The following TCEA2 variants were observed in gnomAD, a reference collection of about 807,000 sequenced individuals.
The protein encoded by TCEA2 is transcription elongation factor A protein 2.
Under a neutral mutation model 40.8 loss-of-function variants are expected in TCEA2, and 21 were observed. The ratio of observed to expected loss-of-function variants is 0.51; its 90% confidence interval spans 0.36 to 0.74. The LOEUF (loss-of-function observed/expected upper bound fraction) is 0.74, where lower values mean the gene tolerates loss of function less well. Among genes scored for constraint, TCEA2 ranks in the 30% least tolerant of loss-of-function variants. The pLI is 0.00. For missense variants in TCEA2, 326 were observed against 426.5 expected (o/e 0.76, Z 2.08); for synonymous variants, 165 against 162.7 (o/e 1.01, Z -0.11).
chr20:64,059,281 C>T (rs1468551137), upstream of TCEA2, among the ~76,000 whole-genome samples: 1 of 152,114 alleles, frequency 6.6e-6, no homozygotes, highest in African/African-American at 2.4e-5. Flanking sequence ...GTCTCTGACC[C>T]CCTGGATTGT....
chr20:64,063,561 G>A, intron 1 of TCEA2, 177 bp downstream of exon 1: 1 of 722,330 alleles, frequency 1.4e-6, no homozygotes, highest in Non-Finnish European at 2.2e-6. Flanking sequence ...CCCTGCCCCG[G>A]GCCAGCCCTG....
intron 5 of TCEA2, 81 bp from the exon 6 acceptor site, chr20:64,069,684 G>C (rs1319711324): frequency 1.5e-5 from 24 of 1,558,752 alleles, no homozygotes; most frequent in Non-Finnish European, 2.0e-5. Flanking sequence ...TGCCCTCTAA[G>C]CTGCCAGGGT....
rs373957561 is a variant in TCEA2, at chr20:64,069,486, C to A, written c.455C>A (p.Thr152Lys). The change falls in exon 5 of 10, where the codon ACG (threonine) becomes AAG (lysine). Residue 152 changes from threonine to lysine, a missense_variant. Transcript: ENST00000343484. ...GAGATGCTGACCGCTGCCCTGCAGA[C>A]GGACCGTGAGTGCGGCCGGCCCTGG... ...CREMLTAALQ[T>K]DHDHVAIGAD... 1 of 1,612,626 alleles carries A rather than the reference C, an allele frequency of 6.2e-7. No homozygotes were observed. The highest frequency in any genetic ancestry group is 8.5e-7 in the Non-Finnish European group (1 of 1,179,758).
chr20:64,063,228 TG>T lies in TCEA2; in HGVS notation c.-82del. The T allele has an allele frequency of 8.1e-7, 1 of 1,237,366 alleles. No individual in the cohort carries two copies. Among genetic ancestry groups the T allele is most frequent in the Non-Finnish European group, 1.0e-6 (1 of 954,888 alleles). The allele number at this position is 1,237,366 out of a possible 1,614,324, so 76.6% of individuals were successfully genotyped here. A position where few individuals can be genotyped will look rare whatever the true frequency, so the allele number is the denominator to read the frequency against. ...GGGGCTGCGTCGGCTGCGGCGGGTG[TG>T]GGAGGTGGCGACGGCCGGGGCCGGG... On this transcript the variant is annotated 5_prime_UTR_variant, in exon 1 of 10. Coordinates refer to ENST00000343484, the MANE Select transcript of TCEA2 (RefSeq NM_003195.6).
intron 1 of TCEA2, chr20:64,063,592 G>A (rs2059618987): frequency 1.6e-6 from 1 of 610,110 alleles, no homozygotes; most frequent in Non-Finnish European, 2.8e-6. Context: ...CCGCAACCCC[G>A]GCAGAGGCCG....
upstream of TCEA2, among the ~76,000 whole-genome samples, chr20:64,061,161 C>T (rs1286509085): frequency 5.2e-4 from 66 of 126,940 alleles, 1 homozygote; most frequent in Admixed American, 6.2e-3. Context: ...AGTGCAGTGG[C>T]ACAATCTGGG....
upstream of TCEA2, among the ~76,000 whole-genome samples, chr20:64,060,347 C>T (rs934091078): frequency 6.6e-6 from 1 of 152,218 alleles, no homozygotes; most frequent in Non-Finnish European, 1.5e-5. Flanking sequence ...CAGGCAGGCT[C>T]CATGGATGTG....
At chr20:64,065,152 T>C (rs1330182627) in intron 1 of TCEA2, among the ~76,000 whole-genome samples, 2 of 152,144 alleles carry the variant, frequency 1.3e-5, no homozygotes, top group South Asian at 2.1e-4. Context: ...TTTTTGCCTC[T>C]GGACCTGAGC....
At position 64,069,399 on chromosome 20, in the gene TCEA2, C is replaced by T. The variant is rs751548571; in HGVS notation, c.368C>T (p.Pro123Leu). Residue 123 changes from proline to leucine, a missense_variant, in exon 5 of 10, where the codon CCG becomes CTG. By Grantham distance (98) the Pro-to-Leu change is moderately conservative. Transcript: ENST00000343484. ...GAGCTGCCCAGGGCACCGTCGACTC[C>T]GAGGATCACCACATTTCCTCCGGTG... ...RPELPRAPST[P>L]RITTFPPVPV... 2.8e-5 allele frequency: 45 copies of T among 1,610,050 alleles called. No individual in the cohort carries two copies. The highest frequency in any genetic ancestry group is 1.6e-4 in the Middle Eastern group (1 of 6,076).
intron 1 of TCEA2, 93 bp downstream of exon 1, chr20:64,063,477 G>C: frequency 7.2e-7 from 1 of 1,396,138 alleles, no homozygotes; most frequent in African/African-American, 1.5e-5. Flanking sequence ...AAGACGACCT[G>C]AGGGGCAGGA....
Position 64,063,346 on chromosome 20 carries a change from G to T in TCEA2, c.34G>T (p.Ala12Ser), listed in dbSNP as rs1047814683. 6.5e-7 allele frequency: 1 copy of T among 1,549,668 alleles called. No individual in the cohort carries two copies. Among genetic ancestry groups the T allele is most frequent in the Non-Finnish European group, 8.7e-7 (1 of 1,147,354 alleles). ...CAAGGAAGAGGAGATTGCGCGGATC[G>T]CCCGGAGGCTGGACAAGATGGTGAC... ...MGKEEEIARI[A>S]RRLDKMVTKK... Residue 12 changes from alanine to serine, a missense_variant, in exon 1 of 10, where the codon GCC becomes TCC. Transcript: ENST00000343484.
In TCEA2 at chr20:64,069,433, C is replaced by T. The variant is rs2059773630; in HGVS notation, c.402C>T (p.Thr134=). 3 of 1,613,318 alleles carry T rather than the reference C, an allele frequency of 1.9e-6. No homozygotes were observed. Among genetic ancestry groups the T allele is most frequent in the Non-Finnish European group, 2.5e-6 (3 of 1,179,966 alleles). ...CCACATTTCCTCCGGTGCCTGTCAC[C>T]TGTGATGCCGTGCGCAACAAGTGCC... ...RITTFPPVPV[T]CDAVRNKCRE... Residue 134 remains threonine, a synonymous_variant, in exon 5 of 10, where the codon ACC becomes ACT. Transcript: ENST00000343484.
At chr20:64,062,383 T>G (rs1404404252), upstream of TCEA2, 1 of 152,284 alleles carries the variant, frequency 6.6e-6, no homozygotes, top group Non-Finnish European at 1.5e-5. Flanking sequence ...CCAACAACAA[T>G]GTCAATGAAC....
At chr20:64,060,479 A>G (rs2059540576), upstream of TCEA2, among the ~76,000 whole-genome samples, 11 of 152,080 alleles carry the variant, frequency 7.2e-5, 3 homozygotes, top group South Asian at 1.9e-3. Flanking sequence ...CAGGACCCTG[A>G]CCAGCTCCTT....
In TCEA2 at chr20:64,072,313, C is replaced by A; in HGVS notation, c.*133C>A. On this transcript the variant is annotated 3_prime_UTR_variant, in exon 10 of 10. Transcript: ENST00000343484. Reference sequence around the variant, plus strand: ...CCTGCCTGGATTGCACCTTTCTGCCCTTTCCCCCTCATTATTAAATGTTTC... The same window carrying A: ...CCTGCCTGGATTGCACCTTTCTGCCATTTCCCCCTCATTATTAAATGTTTC... 1 of 952,244 alleles carries A rather than the reference C, an allele frequency of 1.1e-6. No individual in the cohort carries two copies. Among genetic ancestry groups the A allele is most frequent in the Non-Finnish European group, 1.6e-6 (1 of 625,320 alleles). 59.0% of individuals were successfully genotyped at this position (952,244 alleles called of 1,614,324 possible).
intron 8 of TCEA2, among the ~76,000 whole-genome samples, 182 bp from the exon 9 acceptor site, chr20:64,071,688 C>T (rs1033114637): frequency 1.3e-5 from 2 of 152,180 alleles, no homozygotes; most frequent in Admixed American, 6.5e-5. Context: ...GCCTCTGCCC[C>T]GATAAACTCT....
intron 5 of TCEA2, 96 bp from the exon 6 acceptor site, chr20:64,069,669 G>A (rs2059781354): frequency 9.7e-6 from 15 of 1,544,766 alleles, no homozygotes; most frequent in Admixed American, 3.5e-5. Flanking sequence ...GCAGGGACCC[G>A]GATGTGCCCT....
chr20:64,066,678 G>A (rs925048058), intron 2 of TCEA2, 140 bp downstream of exon 2: 5 of 1,014,352 alleles, frequency 4.9e-6, no homozygotes, highest in Non-Finnish European at 7.3e-6. Context: ...TGAGGAGAGG[G>A]TCTCTGCCTT....
In TCEA2 at chr20:64,069,928, GGGTCACCTGCCTGGGT is replaced by G. The variant is rs749358092; in HGVS notation, c.517+129_517+144del. ...TGGATGCCACTGCCCAGCTGTCCAGGGGTCACCTGCCTGGGTGGTCACCTGCCTGGGTGGTCAGGCT... is the reference window on the plus strand; with the variant it reads ...TGGATGCCACTGCCCAGCTGTCCAGGGGTCACCTGCCTGGGTGGTCAGGCT... On this transcript the variant is annotated intron_variant, in intron 6 of 9. Transcript: ENST00000343484. The G allele has an allele frequency of 2.0e-5, 28 of 1,397,328 alleles. 1 individual carries two copies. The highest frequency in any genetic ancestry group is 1.2e-4 in the East Asian group (5 of 42,992). 86.6% of individuals were successfully genotyped at this position (1,397,328 alleles called of 1,614,324 possible).
Sources: gnomAD v4.1 joint callset for allele counts (sites outside exome capture counted in the v4.1 genomes callset) on GRCh38, gnomAD v4.1.1 for gene constraint, MANE v1.5 for transcripts, NCBI Gene and HGNC (gene_info 2026-07-23, HGNC 2026-07-21) for gene names.